Variants in DSCAML1 observed in about 807,000 individuals in gnomAD.
The protein encoded by DSCAML1 is DS cell adhesion molecule like 1.
Under a neutral mutation model 200.5 loss-of-function variants are expected in DSCAML1, and 38 were observed. The ratio of observed to expected loss-of-function variants is 0.19; its 90% CI spans 0.15 to 0.25. The LOEUF is 0.25. Among genes scored for constraint, DSCAML1 ranks in the 10% least tolerant of loss-of-function variants. DSCAML1 has a pLI of 1.00. For missense variants in DSCAML1, 2,223 were observed against 2,858.8 expected (o/e 0.78, Z 5.07); for synonymous variants, 1,215 against 1,165.0 (o/e 1.04, Z -0.87).
At chr11:117,481,640 AGGGCTGAGGGATCCAGGAGAGAGGGAG>A (rs1308557530) in intron 12 of DSCAML1, among the ~76,000 whole-genome samples, 1 of 98,938 alleles carries the variant, frequency 1.0e-5, no homozygotes, top group Admixed American at 1.0e-4. Context: ...GAGAGTGGGA[AGGGCTGAGGGATCCAGGAGAGAGGGAG>A]GGGCTGAGGG....
intron 3 of DSCAML1, among the ~76,000 whole-genome samples, chr11:117,673,464 C>A (rs1197969992): frequency 2.6e-5 from 4 of 152,138 alleles, no homozygotes; most frequent in Non-Finnish European, 4.4e-5. Flanking sequence ...GGGGGTTTAT[C>A]CCAAGTGCAG....
Position 117,636,000 on chromosome 11 carries a change from CTGAGCTG to C in DSCAML1, c.512-103485_512-103479del, listed in dbSNP as rs374472614. 1.5e-4 allele frequency among the ~76,000 whole-genome samples: 23 copies of C among 152,272 alleles called. 1 individual carries two copies. The East Asian group carries it at 4.3e-3, about 28-fold the overall frequency. On this transcript the variant is annotated intron_variant, in intron 3 of 32. Transcript: ENST00000651296. ...CCCCATTCCTACAAAGAACATGCAA[CTGAGCTG>C]TGTTCAGAGGCAGAGGTTTTAGTAA...
At chr11:117,610,696 C>T (rs1013592107) in intron 3 of DSCAML1, among the ~76,000 whole-genome samples, 1 of 151,686 alleles carries the variant, frequency 6.6e-6, no homozygotes, top group South Asian at 2.1e-4. Flanking sequence ...CACATAAAGC[C>T]GCCCCATCCT....
At chr11:117,461,671 G>C in intron 17 of DSCAML1, 75 bp from the exon 18 acceptor site, 1 of 1,482,018 alleles carries the variant, frequency 6.7e-7, no homozygotes, top group Non-Finnish European at 9.2e-7. Context: ...TTGTGTCCCA[G>C]GCTGGGTCCC....
chr11:117,758,934 C>T (rs1020751021), intron 3 of DSCAML1, among the ~76,000 whole-genome samples: 3 of 152,152 alleles, frequency 2.0e-5, no homozygotes, highest in African/African-American at 4.8e-5. Context: ...TGATATATCG[C>T]TTTTCAGGAG....
intron 3 of DSCAML1, among the ~76,000 whole-genome samples, chr11:117,550,432 G>T (rs1055567042): frequency 7.9e-6 from 1 of 126,150 alleles, no homozygotes; most frequent in Non-Finnish European, 1.7e-5. Flanking sequence ...CCAGTGTCTG[G>T]CCTGAAAGCC....
intron 1 of DSCAML1, among the ~76,000 whole-genome samples, chr11:117,781,892 C>T (rs767452697): frequency 3.9e-5 from 6 of 152,238 alleles, no homozygotes; most frequent in Non-Finnish European, 7.3e-5. Flanking sequence ...CAGCATCAGG[C>T]CTAGATATTT....
chr11:117,800,323 C>A (rs1242745212), upstream of DSCAML1, among the ~76,000 whole-genome samples: 2 of 152,178 alleles, frequency 1.3e-5, no homozygotes, highest in Non-Finnish European at 2.9e-5. Flanking sequence ...CCTGACAGTC[C>A]CCTCCCCAGC....
chr11:117,475,633 G>A (rs1452678923), intron 14 of DSCAML1, among the ~76,000 whole-genome samples: 4 of 152,148 alleles, frequency 2.6e-5, no homozygotes, highest in Admixed American at 2.6e-4. Context: ...ATGTGCTGTT[G>A]ATTTTAAACC....
Position 117,793,443 on chromosome 11 carries a change from A to G in DSCAML1, c.46+3591T>C, listed in dbSNP as rs564248664. On this transcript the variant is annotated intron_variant, in intron 1 of 32. Coordinates refer to ENST00000651296, the MANE Select transcript of DSCAML1 (RefSeq NM_020693.4). Reference sequence around the variant, plus strand: ...CTCCCCTCTCTTCATCTACAATTAAATCATCCTTCACCAGCCAGAGCAGGG... The same window carrying G: ...CTCCCCTCTCTTCATCTACAATTAAGTCATCCTTCACCAGCCAGAGCAGGG... 2.0e-5 allele frequency among the ~76,000 whole-genome samples: 3 copies of G among 152,212 alleles called. No individual in the cohort carries two copies. The South Asian group carries it at 6.2e-4, about 32-fold the overall frequency.
chr11:117,544,492 C>T (rs935785339), intron 3 of DSCAML1, among the ~76,000 whole-genome samples: 5 of 152,114 alleles, frequency 3.3e-5, no homozygotes, highest in Non-Finnish European at 7.4e-5. Context: ...GGGCAGCCTG[C>T]GGGGAGCAAG....
chr11:117,466,947 C>G (rs1420727403), intron 16 of DSCAML1, among the ~76,000 whole-genome samples: 1 of 152,186 alleles, frequency 6.6e-6, no homozygotes, highest in Admixed American at 6.5e-5. Context: ...TGCAGTGCCC[C>G]AGACGCCAAG....
At chr11:117,721,868 C>T (rs1179104176) in intron 3 of DSCAML1, among the ~76,000 whole-genome samples, 5 of 149,826 alleles carry the variant, frequency 3.3e-5, no homozygotes, top group Non-Finnish European at 4.4e-5. Flanking sequence ...TGCAGTGGCG[C>T]GATCTCGGCT....
intron 19 of DSCAML1, among the ~76,000 whole-genome samples, chr11:117,452,446 G>A (rs1372992364): frequency 6.6e-6 from 1 of 152,148 alleles, no homozygotes; most frequent in Non-Finnish European, 1.5e-5. Context: ...CAGTTTGAAT[G>A]ATATGTCTTA....
At chr11:117,772,090 T>G (rs2055048955) in intron 3 of DSCAML1, among the ~76,000 whole-genome samples, 1 of 151,964 alleles carries the variant, frequency 6.6e-6, no homozygotes. Flanking sequence ...GAAGAGGGCA[T>G]GTGGACGAAG....
chr11:117,559,130 A>AGCG (rs1565788261), intron 3 of DSCAML1, among the ~76,000 whole-genome samples: 2 of 151,828 alleles, frequency 1.3e-5, no homozygotes, highest in Non-Finnish European at 2.9e-5. Flanking sequence ...AAGACAGAAA[A>AGCG]ACAGACACAA....
chr11:117,755,458 C>A (rs1184204252), intron 3 of DSCAML1, among the ~76,000 whole-genome samples: 3 of 152,144 alleles, frequency 2.0e-5, no homozygotes, highest in African/African-American at 7.2e-5. Context: ...AGGTAAGTAA[C>A]CTGTGCAAGG....
At chr11:117,485,551 C>G (rs912303824) in intron 11 of DSCAML1, among the ~76,000 whole-genome samples, 4 of 152,230 alleles carry the variant, frequency 2.6e-5, no homozygotes, top group African/African-American at 9.6e-5. Flanking sequence ...AAGCTAACTT[C>G]TGTGAGCCCC....
At chr11:117,475,731 C>T (rs2048777799) in intron 14 of DSCAML1, among the ~76,000 whole-genome samples, 1 of 152,198 alleles carries the variant, frequency 6.6e-6, no homozygotes, top group Non-Finnish European at 1.5e-5. Context: ...CCCCTCCTTG[C>T]CTTGCTCAGC....
Sources: allele counts gnomAD v4.1 joint callset (sites outside exome capture counted in the v4.1 genomes callset), GRCh38; gene constraint gnomAD v4.1.1; transcripts MANE v1.5; gene names NCBI Gene and HGNC (gene_info 2026-07-23, HGNC 2026-07-21).